The following ITGB6 variants were observed in gnomAD, a reference collection of about 807,000 sequenced individuals.
The protein encoded by ITGB6 is integrin beta-6.
In ITGB6, 80 loss-of-function variants were observed where a neutral mutation model predicts 84.5. That is an observed-to-expected ratio of 0.95 (90% confidence interval 0.79 to 1.14). The LOEUF (loss-of-function observed/expected upper bound fraction) is 1.14, where lower values mean the gene tolerates loss of function less well. ITGB6 is among the 50% of genes most tolerant of loss of function. The pLI is 0.00. For missense variants in ITGB6, 1,006 were observed against 968.0 expected (o/e 1.04, Z -0.52); for synonymous variants, 383 against 354.9 (o/e 1.08, Z -0.89).
chr2:160,157,013 C>G (rs1189956324), intron 7 of ITGB6, among the ~76,000 whole-genome samples: 1 of 152,164 alleles, frequency 6.6e-6, no homozygotes, highest in Non-Finnish European at 1.5e-5. Context: ...GGCTGGAAGT[C>G]TGAGCTCCAT....
chr2:160,172,774 G>A (rs1360904638), intron 5 of ITGB6, 44 bp from the exon 6 acceptor site: 1 of 1,494,670 alleles, frequency 6.7e-7, no homozygotes, highest in Non-Finnish European at 9.3e-7. Context: ...GAGGGAGGCA[G>A]GCATTTATTG....
intron 7 of ITGB6, 57 bp from the exon 8 acceptor site, chr2:160,142,128 T>C: frequency 1.7e-6 from 2 of 1,181,172 alleles, no homozygotes; most frequent in Non-Finnish European, 2.5e-6. Flanking sequence ...TTGAGAAAAG[T>C]GTGGGTTTGA....
intron 12 of ITGB6, among the ~76,000 whole-genome samples, chr2:160,112,432 A>G (rs980538555): frequency 2.6e-5 from 4 of 152,106 alleles, no homozygotes; most frequent in Non-Finnish European, 5.9e-5. Context: ...AAATGTGCCT[A>G]TCAAACGGAT....
chr2:160,169,081 G>C (rs1446882417), intron 7 of ITGB6, 131 bp downstream of exon 7: 1 of 570,150 alleles, frequency 1.8e-6, no homozygotes, highest in African/African-American at 1.9e-5. Context: ...ACTTAGCCAA[G>C]CGCCCAGTAC....
rs1559238240 is a variant in ITGB6, at chr2:160,195,520, C to T, written c.442G>A (p.Asp148Asn). ...CCCAGCTCCTTTATTGTGTTGAGGT[C>T]GTCATCCATGGAGGCGGAGAGGTCC... is the stretch of plus-strand genomic sequence containing the variant. ...LMDLSASMDD[D>N]LNTIKELGSR... Residue 148 changes from aspartate (D) to asparagine (N), a missense_variant, in exon 4 of 15, where the codon GAC becomes AAC. By Grantham distance (23) the Asp-to-Asn change is conservative. Coordinates refer to ENST00000283249, the MANE Select transcript of ITGB6 (RefSeq NM_000888.5). The T allele has an allele frequency of 1.2e-6, 2 of 1,614,096 alleles. No individual in the cohort carries two copies. Among genetic ancestry groups the T allele is most frequent in the East Asian group, 2.2e-5 (1 of 44,884 alleles).
Position 160,137,763 on chromosome 2 carries a change from A to G in ITGB6, c.1331T>C (p.Leu444Pro). ...GCATTCTGGGCTGACAAGTAATTCC[A>G]GGGCATCCCCCAGCCCCACAGGCTT... Reference protein sequence around the residue: ...IIKPVGLGDALELLVSPECNC... With the variant: ...IIKPVGLGDAPELLVSPECNC... The change falls in exon 10 of 15, where the codon CTG becomes CCG. Residue 444 changes from leucine (L) to proline (P), a missense_variant. Physicochemically the swap from Leu to Pro is moderately conservative, Grantham distance 98. Transcript: ENST00000283249. 6.2e-7 allele frequency: 1 copy of G among 1,614,156 alleles called. No individual in the cohort carries two copies. The highest frequency in any genetic ancestry group is 8.5e-7 in the Non-Finnish European group (1 of 1,180,028).
chr2:160,152,379 C>T (rs7558296), intron 7 of ITGB6, among the ~76,000 whole-genome samples: 89,236 of 151,894 alleles, frequency 0.59, 27,686 homozygotes, highest in Admixed American at 0.7. Flanking sequence ...GCAGAAAAGG[C>T]CTTTGACAAA....
intron 4 of ITGB6, among the ~76,000 whole-genome samples, chr2:160,190,819 T>A (rs2105892904): frequency 6.6e-6 from 1 of 152,306 alleles, no homozygotes; most frequent in South Asian, 2.1e-4. Context: ...TTAATTTTAG[T>A]TATTTTCTCT....
chr2:160,158,043 A>C (rs889140232), intron 7 of ITGB6, among the ~76,000 whole-genome samples: 3 of 152,166 alleles, frequency 2.0e-5, no homozygotes, highest in Admixed American at 6.5e-5. Flanking sequence ...TTACTAGGAC[A>C]CCCAAGATTC....
At chr2:160,157,983 A>G (rs1684689509) in intron 7 of ITGB6, among the ~76,000 whole-genome samples, 1 of 152,080 alleles carries the variant, frequency 6.6e-6, no homozygotes, top group African/African-American at 2.4e-5. Flanking sequence ...TTATCAGTAA[A>G]TGCAGGGCTT....
intron 4 of ITGB6, among the ~76,000 whole-genome samples, chr2:160,190,171 A>G (rs1372084004): frequency 7.8e-6 from 1 of 128,482 alleles, no homozygotes; most frequent in African/African-American, 3.0e-5. Context: ...ACATGGACAC[A>G]GGAAGGGGAA....
chr2:160,186,800 T>C (rs1393940939), intron 4 of ITGB6, among the ~76,000 whole-genome samples: 2 of 152,032 alleles, frequency 1.3e-5, no homozygotes, highest in Admixed American at 1.3e-4. Context: ...AAAGGATGAG[T>C]TCATGCCCTT....
intron 7 of ITGB6, among the ~76,000 whole-genome samples, chr2:160,145,575 C>T (rs960880530): frequency 6.6e-6 from 1 of 152,176 alleles, no homozygotes; most frequent in African/African-American, 2.4e-5. Context: ...AGATGTGATA[C>T]AGAGGAAACA....
intron 11 of ITGB6, among the ~76,000 whole-genome samples, chr2:160,125,495 G>A (rs1326032077): frequency 6.6e-6 from 1 of 152,196 alleles, no homozygotes; most frequent in Admixed American, 6.5e-5. Context: ...ATGTCCTCAT[G>A]CTTCTCCTGG....
At chr2:160,148,955 T>A (rs1402001690) in intron 7 of ITGB6, among the ~76,000 whole-genome samples, 2 of 152,176 alleles carry the variant, frequency 1.3e-5, no homozygotes, top group Non-Finnish European at 2.9e-5. Context: ...GAAGCTCAAA[T>A]TGGGTGGAGC....
At position 160,101,772 on chromosome 2, in the gene ITGB6, C is replaced by A; in HGVS notation, c.2331G>T (p.Arg777Ser). Residue 777 changes from arginine (R) to serine (S), a missense_variant, in exon 15 of 15, where the codon AGG becomes AGT. Arg to Ser is a moderately radical substitution (Grantham distance 110). Coordinates refer to ENST00000283249, the MANE Select transcript of ITGB6 (RefSeq NM_000888.5). ...STFKNVTYKH[R>S]EKQKVDLSTD... ...TGGAAAGGTCTACCTTTTGTTTTTC[C>A]CTGTGTTTATAAGTTACATTTTTAA... is the stretch of plus-strand genomic sequence containing the variant. 1 of 1,599,820 alleles carries A rather than the reference C, an allele frequency of 6.3e-7. No individual in the cohort carries two copies. Among genetic ancestry groups the A allele is most frequent in the Non-Finnish European group, 8.6e-7 (1 of 1,168,454 alleles).
rs11895959 is a variant in ITGB6 at position 160,112,327 on chromosome 2, G to T, written c.1982-128C>A. The T allele has an allele frequency of 0.64, 502,699 of 786,728 alleles. 165,662 individuals are homozygous for T. The highest frequency in any genetic ancestry group is 0.74 in the Admixed American group (21,705 of 29,424). The allele number at this position is 786,728 out of a possible 1,614,324, so 48.7% of individuals were successfully genotyped here. A position where few individuals can be genotyped will look rare whatever the true frequency, so the allele number is the denominator to read the frequency against. ...ATATTGCAGAATGAGAATAGGAGAG[G>T]CATAGGTTTTTTTTTTTCTCATGAA... On this transcript the variant is annotated intron_variant, in intron 12 of 14. Coordinates refer to ENST00000283249, the MANE Select transcript of ITGB6 (RefSeq NM_000888.5).
intron 7 of ITGB6, among the ~76,000 whole-genome samples, chr2:160,165,262 T>G (rs1242454765): frequency 6.6e-6 from 1 of 152,190 alleles, no homozygotes; most frequent in East Asian, 1.9e-4. Context: ...TTGTTATTTG[T>G]GTGGAGGTCA....
intron 6 of ITGB6, among the ~76,000 whole-genome samples, chr2:160,171,366 G>A (rs538564256): frequency 4.9e-4 from 67 of 137,702 alleles, no homozygotes; most frequent in Admixed American, 1.0e-3. Context: ...ACGGAGTCTC[G>A]CTCTGTCGCC....
Sources: gnomAD v4.1 joint callset for allele counts (sites outside exome capture counted in the v4.1 genomes callset) on GRCh38, gnomAD v4.1.1 for gene constraint, MANE v1.5 for transcripts, NCBI Gene and HGNC (gene_info 2026-07-23, HGNC 2026-07-21) for gene names.